CALN1: variants seen among roughly 807,000 people sequenced by gnomAD.
CALN1 encodes calcium-binding protein 8.
A neutral mutation model predicts 30.6 loss-of-function variants in CALN1; 17 were observed. That is an observed-to-expected ratio of 0.56 (90% CI 0.38 to 0.83). The LOEUF is 0.83. Among genes scored for constraint, CALN1 ranks in the 40% least tolerant of loss-of-function variants. The pLI, the probability that CALN1 is intolerant of heterozygous loss-of-function variation, is 0.00. For synonymous variants in CALN1, 156 were observed against 131.4 expected (o/e 1.19, Z -1.28); for missense variants, 291 against 354.9 (o/e 0.82, Z 1.45).
At chr7:72,188,821 C>T (rs539267501) in intron 3 of CALN1, among the ~76,000 whole-genome samples, 6 of 152,174 alleles carry the variant, frequency 3.9e-5, no homozygotes, top group East Asian at 3.9e-4. Flanking sequence ...CGTGTGTGTC[C>T]GTCTTTCTCC....
At chr7:71,981,884 T>TGTG (rs949856970) in intron 5 of CALN1, among the ~76,000 whole-genome samples, 10 of 151,976 alleles carry the variant, frequency 6.6e-5, no homozygotes, top group African/African-American at 2.2e-4. Context: ...TGTTGACAGT[T>TGTG]GTGGTGGTGG....
chr7:72,361,782 T>C (rs1803584866), intron 2 of CALN1, among the ~76,000 whole-genome samples: 1 of 152,200 alleles, frequency 6.6e-6, no homozygotes. Context: ...AAAGGTTCAA[T>C]AGAAACTGCT....
chr7:72,338,525 G>GTGTGTGTGTGTCTGTCTGTCTGTC, intron 2 of CALN1, among the ~76,000 whole-genome samples: 21 of 122,374 alleles, frequency 1.7e-4, no homozygotes, highest in Admixed American at 5.1e-4. Context: ...GTGTGTGTGT[G>GTGTGTGTGTGTCTGTCTGTCTGTC]TGTCTCACCT....
At chr7:72,141,053 T>C (rs1358025717) in intron 3 of CALN1, among the ~76,000 whole-genome samples, 2 of 152,230 alleles carry the variant, frequency 1.3e-5, no homozygotes, top group South Asian at 2.1e-4. Flanking sequence ...CATGAACTGG[T>C]GCTGTGCTGT....
chr7:72,129,396 T>C (rs188625195), intron 3 of CALN1, among the ~76,000 whole-genome samples: 151 of 152,228 alleles, frequency 9.9e-4, no homozygotes, highest in Non-Finnish European at 1.8e-3. Context: ...TACAAACACA[T>C]AGAATAATAT....
At chr7:71,990,722 G>C (rs1232898445) in intron 5 of CALN1, among the ~76,000 whole-genome samples, 1 of 152,018 alleles carries the variant, frequency 6.6e-6, no homozygotes. Context: ...CAAAGTGATG[G>C]GATTACAGGT....
At chr7:72,062,511 CAAAAAA>C (rs376093442) in intron 4 of CALN1, among the ~76,000 whole-genome samples, 2 of 59,382 alleles carry the variant, frequency 3.4e-5, no homozygotes, top group African/African-American at 7.7e-5. Context: ...GACTCTATCT[CAAAAAA>C]AAAAAAAAAA....
chr7:72,023,876 A>G (rs1800879003), intron 4 of CALN1, 107 bp from the exon 5 acceptor site: 1 of 673,006 alleles, frequency 1.5e-6, no homozygotes, highest in African/African-American at 1.8e-5. Flanking sequence ...GACCTCAATC[A>G]ATGAAGAAGA....
At chr7:72,331,386 A>AG (rs1801667033) in intron 2 of CALN1, among the ~76,000 whole-genome samples, 1 of 152,116 alleles carries the variant, frequency 6.6e-6, no homozygotes, top group South Asian at 2.1e-4. Context: ...AAAAAGGAGG[A>AG]GGAAAACAGT....
intron 3 of CALN1, among the ~76,000 whole-genome samples, chr7:72,178,096 C>G (rs1789493799): frequency 6.6e-6 from 1 of 152,152 alleles, no homozygotes; most frequent in Non-Finnish European, 1.5e-5. Context: ...CAACTCAAAT[C>G]ACATCCCGAA....
In CALN1 at chr7:72,377,157, T is replaced by TA. The variant is rs1342337872; in HGVS notation, c.119+26093dup. Among the ~76,000 whole-genome samples, 5 of 152,338 alleles carry TA rather than the reference T, an allele frequency of 3.3e-5. No homozygotes were observed. In the East Asian group the frequency reaches 9.6e-4, roughly 29 times the overall value. On this transcript the variant is annotated intron_variant, in intron 2 of 6. Transcript: ENST00000395275. The stretch of plus-strand genomic sequence containing the variant: ...CGTTTTTCTCCTTTTTCAGATTGTC[T>TA]AGTCATGGTTCCCTGAATTTCCATA...
At chr7:72,117,821 G>A (rs567753304) in intron 3 of CALN1, among the ~76,000 whole-genome samples, 7 of 152,054 alleles carry the variant, frequency 4.6e-5, no homozygotes, top group Non-Finnish European at 8.8e-5. Flanking sequence ...AGCCAGGCCT[G>A]GTGGTGGGTG....
chr7:71,963,320 G>A (rs1027310782), intron 5 of CALN1, among the ~76,000 whole-genome samples: 7 of 151,854 alleles, frequency 4.6e-5, no homozygotes, highest in Admixed American at 1.3e-4. Context: ...ACGCCACCAC[G>A]CCCGGCTAAT....
chr7:71,863,420 T>TG (rs1324137989), intron 5 of CALN1, among the ~76,000 whole-genome samples: 2 of 150,882 alleles, frequency 1.3e-5, no homozygotes, highest in Non-Finnish European at 3.0e-5. Flanking sequence ...TAGCAGGGCG[T>TG]GGTCACACAT....
chr7:72,154,589 C>A (rs1433610138), intron 3 of CALN1, among the ~76,000 whole-genome samples: 1 of 152,176 alleles, frequency 6.6e-6, no homozygotes, highest in African/African-American at 2.4e-5. Context: ...GAAACCTTTA[C>A]CCTTTTTGCC....
intron 1 of CALN1, among the ~76,000 whole-genome samples, chr7:72,411,105 T>C (rs748092256): frequency 1.3e-4 from 20 of 152,144 alleles, no homozygotes; most frequent in Middle Eastern, 3.4e-3. Flanking sequence ...CAGAAGATAA[T>C]GTATGAGCAG....
rs924871184 is a variant in CALN1 at position 72,312,172 on chromosome 7, G to A, written c.120-33362C>T. On this transcript the variant is annotated intron_variant, in intron 2 of 6. Coordinates refer to ENST00000395275, the MANE Select transcript of CALN1 (RefSeq NM_031468.4). ...TAATCCCAGCACTTTGAGAGGCTGA[G>A]GCCAGAGTATCACTTGATGTCAGGA... is the stretch of plus-strand genomic sequence containing the variant. Among the ~76,000 whole-genome samples the A allele has an allele frequency of 2.6e-5, 4 of 152,136 alleles. No individual in the cohort carries two copies. In the South Asian group the frequency reaches 8.3e-4, roughly 32 times the overall value.
chr7:72,329,656 CAGT>C (rs1359817097), intron 2 of CALN1, among the ~76,000 whole-genome samples: 1 of 152,196 alleles, frequency 6.6e-6, no homozygotes. Flanking sequence ...TAGAGCTCAT[CAGT>C]GAGACCTTTC....
chr7:71,959,618 C>G (rs1255402470), intron 5 of CALN1, among the ~76,000 whole-genome samples: 1 of 134,516 alleles, frequency 7.4e-6, no homozygotes, highest in Non-Finnish European at 1.6e-5. Context: ...TTTTACCTTT[C>G]CAGCTTTTTT....
Sources: allele counts gnomAD v4.1 joint callset (sites outside exome capture counted in the v4.1 genomes callset), GRCh38; gene constraint gnomAD v4.1.1; transcripts MANE v1.5; gene names NCBI Gene and HGNC (gene_info 2026-07-23, HGNC 2026-07-21).